The following RAB11FIP3 variants were observed in gnomAD, a reference collection of about 807,000 sequenced individuals.
RAB11FIP3 encodes rab11 family-interacting protein 3.
Under a neutral mutation model 77.8 loss-of-function variants are expected in RAB11FIP3, and 17 were observed. The ratio of observed to expected loss-of-function variants is 0.22; its 90% CI spans 0.15 to 0.33. RAB11FIP3 has a LOEUF of 0.33. Among genes scored for constraint, RAB11FIP3 ranks in the 10% least tolerant of loss-of-function variants. The pLI is 1.00. For synonymous variants in RAB11FIP3, 437 were observed against 448.2 expected, an observed-to-expected ratio of 0.98 and a Z score of 0.31; for missense variants, 1,005 against 1,011.2, an observed-to-expected ratio of 0.99 and a Z score of 0.08.
chr16:498,205 G>A (rs2031282218), intron 6 of RAB11FIP3, among the ~76,000 whole-genome samples: 2 of 152,116 alleles, frequency 1.3e-5, no homozygotes, highest in African/African-American at 4.8e-5. Flanking sequence ...ACATTGTCTT[G>A]CTCTGTCACC....
Position 452,874 on chromosome 16 carries a change from C to T in RAB11FIP3, c.715-8530C>T. ...GGTTCAAGTGATTCTCGTGCCTCAG[C>T]ATCCCGAGTAGTTGGGACTACAGGC... On this transcript the variant is annotated intron_variant, in intron 1 of 13. Transcript: ENST00000262305. Among the ~76,000 whole-genome samples, 2 of 70,476 alleles carry T rather than the reference C, an allele frequency of 2.8e-5. 1 individual carries two copies. The highest frequency in any genetic ancestry group is 5.6e-5 in the Non-Finnish European group (2 of 35,916). The allele number at this position is 70,476 out of a possible 152,430, so 46.2% of individuals were successfully genotyped here.
At chr16:428,115 GC>G (rs1359283346) in intron 1 of RAB11FIP3, among the ~76,000 whole-genome samples, 3 of 144,566 alleles carry the variant, frequency 2.1e-5, no homozygotes, top group Non-Finnish European at 3.0e-5. Context: ...AAAAAAAACA[GC>G]AACAAAACAA....
chr16:509,995 G>A (rs2032055284), intron 8 of RAB11FIP3, among the ~76,000 whole-genome samples: 1 of 152,220 alleles, frequency 6.6e-6, no homozygotes, highest in Non-Finnish European at 1.5e-5. Context: ...TGGAAATGCT[G>A]TGGCCCTTGG....
intron 9 of RAB11FIP3, among the ~76,000 whole-genome samples, chr16:512,431 G>A (rs926541261): frequency 1.3e-5 from 2 of 151,948 alleles, no homozygotes; most frequent in African/African-American, 4.8e-5. Flanking sequence ...TAGTAGAGAC[G>A]GGGTTTCACC....
chr16:474,769 CT>C (rs912907433), intron 3 of RAB11FIP3: 1 of 1,359,472 alleles, frequency 7.4e-7, no homozygotes, highest in African/African-American at 1.5e-5. Context: ...TCAGCCCTGA[CT>C]GACTAACCGT....
rs973710177 is a variant in RAB11FIP3, at chr16:472,242, C to G, written c.903+853C>G. Reference sequence around the variant, plus strand: ...TCAGTTCCCTGTTCCGAGAAGCTGCCCCAGGGATTAGTCACCCTCACCCTT... The same window carrying G: ...TCAGTTCCCTGTTCCGAGAAGCTGCGCCAGGGATTAGTCACCCTCACCCTT... On this transcript the variant is annotated intron_variant, in intron 3 of 13. Coordinates refer to ENST00000262305, the MANE Select transcript of RAB11FIP3 (RefSeq NM_014700.4). The surrounding 1 kb of genome is among the most constrained non-coding windows in gnomAD (Gnocchi z 4.1). Among the ~76,000 whole-genome samples the G allele has an allele frequency of 2.3e-4, 35 of 152,212 alleles. No homozygotes were observed. Among genetic ancestry groups the G allele is most frequent in the African/African-American group, 8.2e-4 (34 of 41,470 alleles).
At chr16:464,059 C>T (rs990391886) in intron 2 of RAB11FIP3, among the ~76,000 whole-genome samples, 3 of 152,140 alleles carry the variant, frequency 2.0e-5, no homozygotes, top group Non-Finnish European at 2.9e-5. Context: ...GGGCCCAGGA[C>T]GAGGATGGAG....
rs905805859 is a variant in RAB11FIP3 at position 426,691 on chromosome 16, C to G, written c.685C>G (p.Gln229Glu). The stretch of plus-strand genomic sequence containing the variant: ...TTTCGTCCGCATCGAGGACTTCATC[C>G]AGTTTGCTACGGTCTACGGGGCAGA... ...DGFVRIEDFI[Q>E]FATVYGAEQV... is the part of the protein sequence containing the mutation. The change falls in exon 1 of 14, where the codon CAG becomes GAG. Residue 229 changes from glutamine (Q) to glutamate (E), a missense_variant. This residue lies in a region of RAB11FIP3 where 466 missense variants were observed against 408.3 expected (regional missense o/e 1.14). Transcript: ENST00000262305. This position sits in a 1 kb window ranked among gnomAD's most constrained non-coding sequence, Gnocchi z 5.0. The G allele has an allele frequency of 1.3e-6, 2 of 1,531,118 alleles. No individual in the cohort carries two copies. The highest frequency in any genetic ancestry group is 1.8e-6 in the Non-Finnish European group (2 of 1,138,464). 94.8% of individuals were successfully genotyped at this position (1,531,118 alleles called of 1,614,324 possible). A position where few individuals can be genotyped will look rare whatever the true frequency, so the allele number is the denominator to read the frequency against.
At chr16:428,057 C>A (rs534737447) in intron 1 of RAB11FIP3, among the ~76,000 whole-genome samples, 1 of 151,364 alleles carries the variant, frequency 6.6e-6, no homozygotes, top group Non-Finnish European at 1.5e-5. Flanking sequence ...GCGGAGATCG[C>A]GCCACTGCAC....
At chr16:454,259 G>A (rs1467148853) in intron 1 of RAB11FIP3, among the ~76,000 whole-genome samples, 1 of 152,132 alleles carries the variant, frequency 6.6e-6, no homozygotes, top group African/African-American at 2.4e-5. Context: ...ATAGTAGTTG[G>A]TGCAAAGCTG....
chr16:491,489 G>A (rs1290291252), intron 5 of RAB11FIP3, among the ~76,000 whole-genome samples: 13 of 152,220 alleles, frequency 8.5e-5, no homozygotes, highest in Admixed American at 8.5e-4. Flanking sequence ...TTGGTGGGAG[G>A]AAGTGATCGG....
chr16:518,796 TG>T (rs2032535472), intron 9 of RAB11FIP3, 146 bp from the exon 10 acceptor site: 1 of 706,454 alleles, frequency 1.4e-6, no homozygotes, highest in East Asian at 2.5e-5. Flanking sequence ...AGCACATGGG[TG>T]GGCACATAAG....
chr16:495,935 A>C (rs2031085573), intron 5 of RAB11FIP3, among the ~76,000 whole-genome samples: 2 of 152,000 alleles, frequency 1.3e-5, no homozygotes, highest in South Asian at 4.2e-4. Flanking sequence ...TTTTTAGTAG[A>C]GACAGGGTTT....
intron 5 of RAB11FIP3, among the ~76,000 whole-genome samples, chr16:493,834 C>T (rs150214578): frequency 0.022 from 3,262 of 147,822 alleles, 183 homozygotes; most frequent in African/African-American, 0.078. Context: ...CCTCGTGATC[C>T]GCCCGCCTTG....
In RAB11FIP3 at chr16:471,186, A is replaced by G; in HGVS notation, c.809-109A>G. The G allele has an allele frequency of 1.1e-6, 1 of 877,214 alleles. No homozygotes were observed. Among genetic ancestry groups the G allele is most frequent in the South Asian group, 1.5e-5 (1 of 68,890 alleles). The allele number at this position is 877,214 out of a possible 1,614,324, so 54.3% of individuals were successfully genotyped here. A position where few individuals can be genotyped will look rare whatever the true frequency, so the allele number is the denominator to read the frequency against. ...ACCCCCCCCAGGGCCCCCAACTCCCACACATCTGTCCCTGGGGGCCTCCTT... is the reference window on the plus strand; with the variant it reads ...ACCCCCCCCAGGGCCCCCAACTCCCGCACATCTGTCCCTGGGGGCCTCCTT... On this transcript the variant is annotated intron_variant, in intron 2 of 13. Transcript: ENST00000262305. The surrounding 1 kb of genome is among the most constrained non-coding windows in gnomAD (Gnocchi z 4.4).
In RAB11FIP3 at chr16:426,700, A is replaced by G. The variant is rs1410958182; in HGVS notation, c.694A>G (p.Thr232Ala). The G allele has an allele frequency of 4.6e-6, 7 of 1,526,752 alleles. No individual in the cohort carries two copies. The highest frequency in any genetic ancestry group is 6.2e-6 in the Non-Finnish European group (7 of 1,136,190). The allele number at this position is 1,526,752 out of a possible 1,614,324, so 94.6% of individuals were successfully genotyped here. The change falls in exon 1 of 14, where the codon ACG (threonine) becomes GCG (alanine). Residue 232 changes from threonine (T) to alanine (A), a missense_variant. Physicochemically the swap from Thr to Ala is moderately conservative, Grantham distance 58. Around this residue, in one of 4 missense-constraint regions of RAB11FIP3, gnomAD observed 466 missense variants for 408.3 expected, o/e 1.14. Transcript: ENST00000262305. The surrounding 1 kb of genome is among the most constrained non-coding windows in gnomAD (Gnocchi z 5.0). ...CATCGAGGACTTCATCCAGTTTGCTACGGTCTACGGGGCAGAGCAGGTACG... is the reference window on the plus strand; with the variant it reads ...CATCGAGGACTTCATCCAGTTTGCTGCGGTCTACGGGGCAGAGCAGGTACG... ...VRIEDFIQFA[T>A]VYGAEQVKDL...
intron 1 of RAB11FIP3, among the ~76,000 whole-genome samples, chr16:458,704 CTCCCTG>C (rs1307124140): frequency 4.6e-5 from 7 of 152,216 alleles, no homozygotes; most frequent in Non-Finnish European, 1.0e-4. Context: ...CCTGTTGCCT[CTCCCTG>C]TCCCTGAGCA....
chr16:515,518 C>T (rs2032363858), intron 9 of RAB11FIP3, among the ~76,000 whole-genome samples: 1 of 151,086 alleles, frequency 6.6e-6, no homozygotes, highest in Admixed American at 6.6e-5. Context: ...GGAGCAGCCA[C>T]ACGGGCGACA....
chr16:467,476 TGGGACGTCAGGGAGGAGGTGCA>T (rs2055723312), intron 2 of RAB11FIP3, among the ~76,000 whole-genome samples: 1 of 36,464 alleles, frequency 2.7e-5, no homozygotes, highest in Non-Finnish European at 6.1e-5. Flanking sequence ...GAGGAGGTGC[TGGGACGTCAGGGAGGAGGTGCA>T]GGGGCGTCAG....
Sources: gnomAD v4.1 joint callset for allele counts (sites outside exome capture counted in the v4.1 genomes callset) on GRCh38, gnomAD v4.1.1 for gene constraint, gnomAD v4.1.1 regional missense constraint, Gnocchi (gnomAD v3.1) non-coding constraint, MANE v1.5 for transcripts, NCBI Gene and HGNC (gene_info 2026-07-23, HGNC 2026-07-21) for gene names.